The following GALNT18 variants were observed in gnomAD, a reference collection of about 807,000 sequenced individuals.
GALNT18 encodes the protein GalNAc-transferase 18.
Under a neutral mutation model 69.5 loss-of-function variants are expected in GALNT18, and 44 were observed. That is an observed-to-expected ratio of 0.63 (90% CI 0.50 to 0.81). GALNT18 has a LOEUF of 0.81. Ranked by LOEUF, GALNT18 falls within the 40% of genes least tolerant of loss-of-function variation. GALNT18 has a pLI of 0.00. For synonymous variants in GALNT18, 364 were observed against 318.2 expected, an observed-to-expected ratio of 1.14 and a Z score of -1.53; for missense variants, 715 against 810.0, an observed-to-expected ratio of 0.88 and a Z score of 1.42.
intron 1 of GALNT18, among the ~76,000 whole-genome samples, chr11:11,537,781 A>C (rs1338349265): frequency 6.6e-6 from 1 of 152,216 alleles, no homozygotes; most frequent in Non-Finnish European, 1.5e-5. Flanking sequence ...AGCATAACCC[A>C]AAACCCTGAA....
chr11:11,405,067 A>G (rs540462374), intron 3 of GALNT18, among the ~76,000 whole-genome samples: 1 of 152,348 alleles, frequency 6.6e-6, no homozygotes, highest in African/African-American at 2.4e-5. Flanking sequence ...ACCTTAGAGA[A>G]GTCAGACTCA....
In GALNT18 at chr11:11,605,938, GCTTCC is replaced by G. The variant is rs1297705266; in HGVS notation, c.235+15416_235+15420del. Among the ~76,000 whole-genome samples the G allele has an allele frequency of 6.6e-6, 1 of 152,142 alleles. No individual in the cohort carries two copies. The highest frequency in any genetic ancestry group is 1.9e-4 in the East Asian group (1 of 5,188). On this transcript the variant is annotated intron_variant, in intron 1 of 10. Coordinates refer to ENST00000227756, the MANE Select transcript of GALNT18 (RefSeq NM_198516.3). The surrounding 1 kb of genome is among the most constrained non-coding windows in gnomAD (Gnocchi z 4.7). Reference sequence around the variant, plus strand: ...CACACACACACACCACTGAGCTTCAGCTTCCCTTTGATTAAATCTTGACACAGTAA... The same window carrying G: ...CACACACACACACCACTGAGCTTCAGCTTTGATTAAATCTTGACACAGTAA...
At chr11:11,581,394 G>A (rs998913514) in intron 1 of GALNT18, among the ~76,000 whole-genome samples, 1 of 152,150 alleles carries the variant, frequency 6.6e-6, no homozygotes, top group African/African-American at 2.4e-5. Flanking sequence ...CCTGCCTTCT[G>A]GGGATGCCTG....
Position 11,337,961 on chromosome 11 carries a change from AT to A in GALNT18, c.1278+2857del, listed in dbSNP as rs11351706. Among the ~76,000 whole-genome samples, 22,190 of 118,676 alleles carry A rather than the reference AT, an allele frequency of 0.19. 1,482 individuals carry two copies. Among genetic ancestry groups the A allele is most frequent in the Admixed American group, 0.32 (3,402 of 10,790 alleles). The allele number at this position is 118,676 out of a possible 152,430, so 77.9% of individuals were successfully genotyped here. A position where few individuals can be genotyped will look rare whatever the true frequency, so the allele number is the denominator to read the frequency against. ...TGTACATAGCAGGAGTCATTTAAAG[AT>A]TTTTTTTTTTTTTTTTTTTTTGAGA... On this transcript the variant is annotated intron_variant, in intron 7 of 10. Transcript: ENST00000227756. The surrounding 1 kb of genome is among the most constrained non-coding windows in gnomAD (Gnocchi z 4.9).
intron 10 of GALNT18, among the ~76,000 whole-genome samples, chr11:11,271,640 G>A (rs1395711147): frequency 1.2e-5 from 1 of 80,118 alleles, no homozygotes; most frequent in African/African-American, 4.2e-5. Flanking sequence ...CTAGTTTCTT[G>A]GGACGACCCA....
At position 11,619,504 on chromosome 11, in the gene GALNT18, G is replaced by A. The variant is rs114465429; in HGVS notation, c.235+1855C>T. The stretch of plus-strand genomic sequence containing the variant: ...GCACCCACTCCGTTACAGGCTCAGG[G>A]GTTAATGGCATCCCCTGAAAGCATC... On this transcript the variant is annotated intron_variant, in intron 1 of 10. Coordinates refer to ENST00000227756, the MANE Select transcript of GALNT18 (RefSeq NM_198516.3). The surrounding 1 kb of genome is among the most constrained non-coding windows in gnomAD (Gnocchi z 4.9). Among the ~76,000 whole-genome samples the A allele has an allele frequency of 1.3e-5, 2 of 151,962 alleles. No individual in the cohort carries two copies. The highest frequency in any genetic ancestry group is 1.3e-4 in the Admixed American group (2 of 15,264).
chr11:11,532,839 G>T (rs1857686129), intron 1 of GALNT18, among the ~76,000 whole-genome samples: 1 of 152,152 alleles, frequency 6.6e-6, no homozygotes, highest in South Asian at 2.1e-4. Flanking sequence ...TACTCTCTTG[G>T]CAAGGCCAGG....
intron 1 of GALNT18, among the ~76,000 whole-genome samples, chr11:11,560,886 C>T (rs1254621642): frequency 1.3e-5 from 2 of 152,194 alleles, no homozygotes; most frequent in Admixed American, 6.5e-5. Context: ...GGCAGAATTG[C>T]CACAACTCTG....
rs1245844503 is a variant in GALNT18, at chr11:11,621,621, C to T, written c.-28G>A. On this transcript the variant is annotated 5_prime_UTR_variant, in exon 1 of 11. Transcript: ENST00000227756. This position sits in a 1 kb window ranked among gnomAD's most constrained non-coding sequence, Gnocchi z 9.3. ...TGGGCTCCTTCCTCCATATAGAGCT[C>T]CCGGGGGCCCTTCCTTGTCGTGCGC... 2 of 1,516,908 alleles carry T rather than the reference C, an allele frequency of 1.3e-6. No individual in the cohort carries two copies. Among genetic ancestry groups the T allele is most frequent in the Non-Finnish European group, 9.0e-7 (1 of 1,114,746 alleles). The allele number at this position is 1,516,908 out of a possible 1,614,324, so 94.0% of individuals were successfully genotyped here.
At chr11:11,279,094 C>G (rs1316380731) in intron 10 of GALNT18, among the ~76,000 whole-genome samples, 1 of 151,964 alleles carries the variant, frequency 6.6e-6, no homozygotes, top group Non-Finnish European at 1.5e-5. Flanking sequence ...GAAGTGGGCT[C>G]TCTCCGCTCT....
In GALNT18 at chr11:11,523,775, C is replaced by T. The variant is rs749152909; in HGVS notation, c.236-74839G>A. Among the ~76,000 whole-genome samples the T allele has an allele frequency of 2.0e-5, 3 of 151,726 alleles. No homozygotes were observed. The highest frequency in any genetic ancestry group is 6.6e-5 in the Admixed American group (1 of 15,246). ...TCCCTGGGAAAGGAGGTAGGACACA[C>T]GGCTGCAAGCAACAGCAACAGCACT... On this transcript the variant is annotated intron_variant, in intron 1 of 10. Transcript: ENST00000227756. The surrounding 1 kb of genome is among the most constrained non-coding windows in gnomAD (Gnocchi z 4.3).
At chr11:11,599,783 C>T (rs1859591161) in intron 1 of GALNT18, among the ~76,000 whole-genome samples, 1 of 151,600 alleles carries the variant, frequency 6.6e-6, no homozygotes, top group African/African-American at 2.4e-5. Flanking sequence ...GTAGAATTTA[C>T]CAATAAAAAT....
intron 3 of GALNT18, among the ~76,000 whole-genome samples, chr11:11,386,423 T>C (rs55673936): frequency 0.29 from 36,496 of 127,698 alleles, 4,687 homozygotes; most frequent in East Asian, 0.36. Flanking sequence ...CTGGGAAAGC[T>C]AAACTAAGAC....
At chr11:11,559,655 G>GGATGA (rs143802057) in intron 1 of GALNT18, among the ~76,000 whole-genome samples, 1 of 150,918 alleles carries the variant, frequency 6.6e-6, no homozygotes, top group Non-Finnish European at 1.5e-5. Flanking sequence ...CGATGGGATG[G>GGATGA]GATGAGATAG....
intron 1 of GALNT18, chr11:11,570,050 G>A (rs1196549823): frequency 1.3e-5 from 2 of 152,152 alleles, no homozygotes; most frequent in Non-Finnish European, 2.9e-5. Flanking sequence ...TGCAAGCAGA[G>A]ACGTGAGGGA....
intron 3 of GALNT18, among the ~76,000 whole-genome samples, chr11:11,429,955 C>T (rs75925861): frequency 0.027 from 4,095 of 152,110 alleles, 170 homozygotes; most frequent in African/African-American, 0.091. Flanking sequence ...GGCTACCCAA[C>T]GTAGTGAGAC....
chr11:11,537,900 G>A lies in GALNT18; in HGVS notation c.235+83459C>T, dbSNP rs74603731. 5.3e-3 allele frequency among the ~76,000 whole-genome samples: 808 copies of A among 152,144 alleles called. 6 individuals carry two copies. Among genetic ancestry groups the A allele is most frequent in the African/African-American group, 0.019 (771 of 41,464 alleles). ...GAGAATCTGTGCACTGTGCATCCTT[G>A]GGAAATATGACCTGGCCTCCGAATA... On this transcript the variant is annotated intron_variant, in intron 1 of 10. Transcript: ENST00000227756.
At chr11:11,292,653 A>T (rs1381318021) in intron 10 of GALNT18, among the ~76,000 whole-genome samples, 2 of 152,176 alleles carry the variant, frequency 1.3e-5, no homozygotes, top group African/African-American at 4.8e-5. Flanking sequence ...GTTTAAAGTC[A>T]GAAAGACCTG....
At position 11,298,293 on chromosome 11, in the gene GALNT18, C is replaced by T. The variant is rs147877729; in HGVS notation, c.1513-5100G>A. On this transcript the variant is annotated intron_variant, in intron 9 of 10. Transcript: ENST00000227756. Reference sequence around the variant, plus strand: ...AACACACATAGTTTTGTGCGCCTAGCAGTCCTCTGCTAGGTGTTTTCCATG... The same window carrying T: ...AACACACATAGTTTTGTGCGCCTAGTAGTCCTCTGCTAGGTGTTTTCCATG... Among the ~76,000 whole-genome samples the T allele has an allele frequency of 3.3e-5, 5 of 152,404 alleles. No individual in the cohort carries two copies. The East Asian group carries it at 9.6e-4, about 29-fold the overall frequency.
Sources: gnomAD v4.1 joint callset for allele counts (sites outside exome capture counted in the v4.1 genomes callset) on GRCh38, gnomAD v4.1.1 for gene constraint, Gnocchi (gnomAD v3.1) non-coding constraint, MANE v1.5 for transcripts, NCBI Gene and HGNC (gene_info 2026-07-23, HGNC 2026-07-21) for gene names.